The following HOOK2 variants were observed in gnomAD, a reference collection of about 807,000 sequenced individuals.
HOOK2 encodes the protein hook microtubule tethering protein 2.
HOOK2 carries 108 observed loss-of-function variants against 111.9 expected under a neutral mutation model. That is an observed-to-expected ratio of 0.96 (90% CI 0.83 to 1.13). The LOEUF is 1.13. Ranked by LOEUF, HOOK2 falls within the 50% of genes most tolerant of loss-of-function variation. The pLI, the probability that HOOK2 is intolerant of heterozygous loss-of-function variation, is 0.00. For synonymous variants in HOOK2, 405 were observed against 394.3 expected (o/e 1.03, Z -0.32); for missense variants, 978 against 951.3 (o/e 1.03, Z -0.37).
chr19:12,783,421 G>C (rs1396092757), upstream of HOOK2, among the ~76,000 whole-genome samples: 1 of 140,006 alleles, frequency 7.1e-6, no homozygotes, highest in Non-Finnish European at 1.5e-5. Flanking sequence ...GGCAGAGCCC[G>C]TCGCGGCGAT....
intron 14 of HOOK2, chr19:12,766,572 G>A (rs752244277): frequency 1.9e-4 from 62 of 331,062 alleles, no homozygotes; most frequent in Non-Finnish European, 3.1e-4. Context: ...TTGTTTGTTT[G>A]TTTGGTTAGT....
At position 12,765,671 on chromosome 19, in the gene HOOK2, C is replaced by T. The variant is rs1392972215; in HGVS notation, c.1640+19G>A. On this transcript the variant is annotated intron_variant, in intron 18 of 22. Coordinates refer to ENST00000397668, the MANE Select transcript of HOOK2 (RefSeq NM_013312.3). The stretch of plus-strand genomic sequence containing the variant: ...CAAATCCATGCCCCCACGAGGAGTT[C>T]CCTCTTTCTGCGACTTACAAATGTT... 1.2e-6 allele frequency: 2 copies of T among 1,613,970 alleles called. No individual in the cohort carries two copies. The highest frequency in any genetic ancestry group is 3.3e-5 in the Admixed American group (2 of 59,998).
At chr19:12,789,402 G>T (rs1416388271) in intron 3 of HOOK2, among the ~76,000 whole-genome samples, 1 of 152,026 alleles carries the variant, frequency 6.6e-6, no homozygotes, top group African/African-American at 2.4e-5. Flanking sequence ...TCTCTGACTC[G>T]GGGAGGGAAG....
intron 18 of HOOK2, 88 bp downstream of exon 18, chr19:12,765,602 A>G: frequency 2.7e-6 from 4 of 1,507,568 alleles, no homozygotes; most frequent in Non-Finnish European, 3.7e-6. Flanking sequence ...ATAAAAAATC[A>G]GCCAGGCATG....
intron 20 of HOOK2, 49 bp from the exon 21 acceptor site, chr19:12,763,827 C>CAGTATGTCCCAGGGGGT: frequency 1.7e-6 from 2 of 1,207,428 alleles, no homozygotes; most frequent in South Asian, 1.2e-5. Flanking sequence ...TTGAAACCCC[C>CAGTATGTCCCAGGGGGT]TGGGACATAC....
chr19:12,767,538 A>G, intron 13 of HOOK2, 74 bp from the exon 14 acceptor site: 1 of 1,288,078 alleles, frequency 7.8e-7, no homozygotes, highest in Non-Finnish European at 1.1e-6. Context: ...CTTCCCAAGG[A>G]TCATCTTTTG....
chr19:12,767,302 G>A (rs1040554046), intron 14 of HOOK2, 93 bp downstream of exon 14: 5 of 1,086,388 alleles, frequency 4.6e-6, no homozygotes, highest in Non-Finnish European at 6.9e-6. Flanking sequence ...CCAAGCAACC[G>A]GGGCTAGCAG....
chr19:12,786,617 C>T lies in HOOK2; in HGVS notation n.42-12392G>A, dbSNP rs373763025. ...TGGGGGAGGGGGCTGTTCTCCCACCCTCCTCGTGGGGCCGGCCTGGCGCCA... is the reference window on the plus strand; with the variant it reads ...TGGGGGAGGGGGCTGTTCTCCCACCTTCCTCGTGGGGCCGGCCTGGCGCCA... On this transcript the variant is annotated intron_variant and non_coding_transcript_variant, in intron 3 of 3. Transcript: ENST00000589765. This position sits in a 1 kb window ranked among gnomAD's most constrained non-coding sequence, Gnocchi z 4.3. Among the ~76,000 whole-genome samples, 186 of 152,328 alleles carry T rather than the reference C, an allele frequency of 1.2e-3. No homozygotes were observed. The highest frequency in any genetic ancestry group is 4.2e-3 in the African/African-American group (175 of 41,582).
chr19:12,765,276 G>T, intron 18 of HOOK2, 195 bp from the exon 19 acceptor site: 2 of 619,350 alleles, frequency 3.2e-6, no homozygotes, highest in Non-Finnish European at 5.7e-6. Flanking sequence ...ACAACCCTCC[G>T]CACCCTTAGC....
At position 12,791,881 on chromosome 19, in the gene HOOK2, C is replaced by A. The variant is rs761795034; in HGVS notation, n.42-17656G>T. ...CTACACGACTACAAACTCCTGAAAC[C>A]GAGCCTGGCGGTCAACCTGGCCGAC... On this transcript the variant is annotated intron_variant and non_coding_transcript_variant, in intron 3 of 3. Transcript: ENST00000589765. This position sits in a 1 kb window ranked among gnomAD's most constrained non-coding sequence, Gnocchi z 7.0. The A allele has an allele frequency of 6.2e-6, 10 of 1,613,408 alleles. No individual in the cohort carries two copies. Among genetic ancestry groups the A allele is most frequent in the Non-Finnish European group, 3.4e-6 (4 of 1,179,914 alleles).
Position 12,763,219 on chromosome 19 carries a change from C to T in HOOK2, c.*63G>A, listed in dbSNP as rs551729384. 62 of 1,521,312 alleles carry T rather than the reference C, an allele frequency of 4.1e-5. No individual in the cohort carries two copies. In the East Asian group the frequency reaches 4.5e-4, roughly 11 times the overall value. 94.2% of individuals were successfully genotyped at this position (1,521,312 alleles called of 1,614,324 possible). A position where few individuals can be genotyped will look rare whatever the true frequency, so the allele number is the denominator to read the frequency against. ...CACCTGGCTGAAGCCCAGTGCTGGGCGCCATGTGAGCTGGAGGAAGCCAGG... is the reference window on the plus strand; with the variant it reads ...CACCTGGCTGAAGCCCAGTGCTGGGTGCCATGTGAGCTGGAGGAAGCCAGG... On this transcript the variant is annotated 3_prime_UTR_variant, in exon 23 of 23. Coordinates refer to ENST00000397668, the MANE Select transcript of HOOK2 (RefSeq NM_013312.3).
At position 12,768,059 on chromosome 19, in the gene HOOK2, C is replaced by T; in HGVS notation, c.1169G>A (p.Cys390Tyr). 6.2e-7 allele frequency: 1 copy of T among 1,614,242 alleles called. No homozygotes were observed. Among genetic ancestry groups the T allele is most frequent in the Middle Eastern group, 1.6e-4 (1 of 6,062 alleles). The change falls in exon 12 of 23, where the codon TGC (cysteine) becomes TAC (tyrosine). Residue 390 changes from cysteine to tyrosine, a missense_variant. By Grantham distance (194) the Cys-to-Tyr change is radical (BLOSUM62 -2). This residue lies in a region of HOOK2 where 388 missense variants were observed against 358.3 expected (regional missense o/e 1.08). Coordinates refer to ENST00000397668, the MANE Select transcript of HOOK2 (RefSeq NM_013312.3). Reference sequence around the variant, plus strand: ...CTCATACTTTTCCTCCAGGTTGCGGCATTCAAATAGCCATTTCTCGGCCTT... The same window carrying T: ...CTCATACTTTTCCTCCAGGTTGCGGTATTCAAATAGCCATTTCTCGGCCTT... ...AMKAEKWLFE[C>Y]RNLEEKYESV...
chr19:12,763,459 G>A (rs1199572270), intron 22 of HOOK2, 28 bp from the exon 23 acceptor site: 19 of 1,613,484 alleles, frequency 1.2e-5, no homozygotes, highest in East Asian at 2.2e-5. Context: ...GTTGGGGTCA[G>A]GTGAGCTCAC....
intron 10 of HOOK2, among the ~76,000 whole-genome samples, chr19:12,770,534 A>G (rs1036018398): frequency 6.6e-6 from 1 of 151,882 alleles, no homozygotes; most frequent in Non-Finnish European, 1.5e-5. Context: ...CAGTAGAGTC[A>G]AAAGGGGGTG....
Position 12,771,190 on chromosome 19 carries a change from G to A in HOOK2, c.730C>T (p.Gln244Ter). 6.2e-7 allele frequency: 1 copy of A among 1,613,330 alleles called. No homozygotes were observed. The highest frequency in any genetic ancestry group is 8.5e-7 in the Non-Finnish European group (1 of 1,179,702). ...TAKKLLLLQSQLEQLQEENFR... is the reference protein window; with the variant it reads ...TAKKLLLLQS Reference sequence around the variant, plus strand: ...TTCTCCTCCTGCAACTGCTCCAGCTGGGATTGCAGCAGCAGCAGCTTCTTG... The same window carrying A: ...TTCTCCTCCTGCAACTGCTCCAGCTAGGATTGCAGCAGCAGCAGCTTCTTG... Residue 244 changes from glutamine (Q) to a stop codon, truncating the protein, a stop_gained, in exon 9 of 23, where the codon CAG becomes TAG. Transcript: ENST00000397668. LOFTEE classifies it high-confidence loss of function.
At position 12,768,040 on chromosome 19, in the gene HOOK2, C is replaced by T. The variant is rs1469473433; in HGVS notation, c.1188G>A (p.Lys396=). The T allele has an allele frequency of 3.1e-6, 5 of 1,614,138 alleles. No individual in the cohort carries two copies. Among genetic ancestry groups the T allele is most frequent in the Admixed American group, 1.7e-5 (1 of 60,008 alleles). The part of the protein sequence containing the change: ...WLFECRNLEE[K]YESVTKEKER... ...CCTTCTCCTTTGTCACCGACTCATA[C>T]TTTTCCTCCAGGTTGCGGCATTCAA... The change falls in exon 12 of 23, where the codon AAG becomes AAA. Residue 396 remains lysine, a synonymous_variant. Coordinates refer to ENST00000397668, the MANE Select transcript of HOOK2 (RefSeq NM_013312.3).
intron 3 of HOOK2, chr19:12,773,245 T>C (rs1272282448): frequency 3.5e-6 from 2 of 574,806 alleles, no homozygotes; most frequent in African/African-American, 3.8e-5. Flanking sequence ...TTTTTTTTTT[T>C]TTTTTTTTTG....
At chr19:12,771,631 C>T (rs1968330954) in intron 7 of HOOK2, among the ~76,000 whole-genome samples, 154 bp from the exon 8 acceptor site, 1 of 152,080 alleles carries the variant, frequency 6.6e-6, no homozygotes, top group South Asian at 2.1e-4. Flanking sequence ...GCCTATAATC[C>T]CAGCACTTTG....
Position 12,764,868 on chromosome 19 carries a change from C to T in HOOK2, c.1773G>A (p.Ala591=), listed in dbSNP as rs758924906. 12 of 1,613,972 alleles carry T rather than the reference C, an allele frequency of 7.4e-6. No homozygotes were observed. Among genetic ancestry groups the T allele is most frequent in the East Asian group, 2.2e-5 (1 of 44,890 alleles). ...ELQHNLQKKD[A]DLRAMEERYR... is the part of the protein sequence containing the mutation. ...ATCGCTCCTCCATGGCCCGCAAGTCCGCGTCCTTCTTCTGCAAGTTATGCT... is the reference window on the plus strand; with the variant it reads ...ATCGCTCCTCCATGGCCCGCAAGTCTGCGTCCTTCTTCTGCAAGTTATGCT... The change falls in exon 20 of 23, where the codon GCG becomes GCA. Residue 591 remains alanine (A), a synonymous_variant. Coordinates refer to ENST00000397668, the MANE Select transcript of HOOK2 (RefSeq NM_013312.3).
Sources: gnomAD v4.1 joint callset for allele counts (sites outside exome capture counted in the v4.1 genomes callset) on GRCh38, gnomAD v4.1.1 for gene constraint, gnomAD v4.1.1 regional missense constraint, Gnocchi (gnomAD v3.1) non-coding constraint, MANE v1.5 for transcripts, NCBI Gene and HGNC (gene_info 2026-07-23, HGNC 2026-07-21) for gene names.